ZRANB1: variants seen among roughly 807,000 people sequenced by gnomAD.
ZRANB1 encodes zinc finger RANBP2-type containing 1, also known as ubiquitin thioesterase ZRANB1.
In ZRANB1, 16 loss-of-function variants were observed where a neutral mutation model predicts 80.5. That is an observed-to-expected ratio of 0.20 (90% CI 0.13 to 0.30). The LOEUF is 0.30. ZRANB1 is among the 10% of genes least tolerant of loss of function. The pLI, the probability that ZRANB1 is intolerant of heterozygous loss-of-function variation, is 1.00. For missense variants in ZRANB1, 576 were observed against 862.6 expected (o/e 0.67, Z 4.16); for synonymous variants, 291 against 293.1 (o/e 0.99, Z 0.07).
At chr10:124,919,908 G>GGCCCCCC in the ZRANB1 span, among the ~76,000 whole-genome samples, 1 of 56,682 alleles carries the variant, frequency 1.8e-5, no homozygotes, top group African/African-American at 8.5e-5. Flanking sequence ...ACCGCGCCCG[G>GGCCCCCC]CCCCCCCCCC....
At chr10:124,978,810 T>TA (rs1248854734) in intron 5 of ZRANB1, among the ~76,000 whole-genome samples, 10 of 148,938 alleles carry the variant, frequency 6.7e-5, no homozygotes, top group African/African-American at 2.5e-4. Flanking sequence ...TTTTTTTTTT[T>TA]TTTTTGTATT....
chr10:124,974,070 T>G, intron 4 of ZRANB1, 130 bp from the exon 5 acceptor site: 1 of 811,886 alleles, frequency 1.2e-6, no homozygotes, highest in Non-Finnish European at 1.9e-6. Context: ...AATTGGTCAA[T>G]TTTATTTAGG....
chr10:124,922,294 ATG>A, the ZRANB1 span, among the ~76,000 whole-genome samples: 1 of 114,146 alleles, frequency 8.8e-6, no homozygotes, highest in Admixed American at 1.0e-4. Flanking sequence ...ATATATATAT[ATG>A]TAAAATATAT....
chr10:124,961,810 A>T (rs7909346), intron 1 of ZRANB1, among the ~76,000 whole-genome samples: 4,038 of 152,322 alleles, frequency 0.027, 158 homozygotes, highest in African/African-American at 0.091. Flanking sequence ...TTGATATGTT[A>T]TAGATTAAAT....
chr10:124,920,569 G>T, the ZRANB1 span, among the ~76,000 whole-genome samples: 1 of 151,968 alleles, frequency 6.6e-6, no homozygotes, highest in African/African-American at 2.4e-5. Context: ...CTTGCTTGTT[G>T]TTCCTATGAA....
At position 124,987,368 on chromosome 10, in the gene ZRANB1, A is replaced by AT. The variant is rs1952078921; in HGVS notation, c.*2377dup. 6.6e-6 allele frequency: 1 copy of AT among 151,438 alleles called. No homozygotes were observed. The highest frequency in any genetic ancestry group is 2.4e-5 in the African/African-American group (1 of 41,142). 9.4% of individuals were successfully genotyped at this position (151,438 alleles called of 1,614,324 possible). On this transcript the variant is annotated 3_prime_UTR_variant, in exon 9 of 9. Coordinates refer to ENST00000359653, the MANE Select transcript of ZRANB1 (RefSeq NM_017580.3). The stretch of plus-strand genomic sequence containing the variant: ...TTCTTCCTTGGGGTCAAATTTATAT[A>AT]TATATATATAAATTTTTGTTTGGGC...
the ZRANB1 span, among the ~76,000 whole-genome samples, chr10:124,922,238 C>T: frequency 4.1e-5 from 5 of 121,560 alleles, no homozygotes; most frequent in Admixed American, 4.5e-4. Flanking sequence ...AACCCCTGAG[C>T]CCAAATTATA....
intron 1 of ZRANB1, among the ~76,000 whole-genome samples, chr10:124,956,369 C>A (rs2134264353): frequency 6.6e-6 from 1 of 152,308 alleles, no homozygotes; most frequent in South Asian, 2.1e-4. Flanking sequence ...CACAGAAATG[C>A]AAATATAAAG....
At chr10:124,917,174 T>TCGCTGCTGCCGC in the ZRANB1 span, 1 of 165,916 alleles carries the variant, frequency 6.0e-6, no homozygotes, top group South Asian at 1.8e-4. Flanking sequence ...GCGCGGGGAG[T>TCGCTGCTGCCGC]CGCCGCTGCC....
intron 1 of ZRANB1, among the ~76,000 whole-genome samples, chr10:124,958,211 A>G (rs1307990603): frequency 6.6e-6 from 1 of 152,250 alleles, no homozygotes; most frequent in African/African-American, 2.4e-5. Context: ...AAAGGCAGAC[A>G]ACTTGCGACT....
intron 5 of ZRANB1, among the ~76,000 whole-genome samples, chr10:124,978,793 ATTTTTTTTTTT>A (rs35714295): frequency 2.6e-5 from 3 of 115,440 alleles, no homozygotes; most frequent in Admixed American, 9.3e-5. Context: ...TTCCCAGCTA[ATTTTTTTTTTT>A]TTTTTTTTTT....
the ZRANB1 span, among the ~76,000 whole-genome samples, chr10:124,927,863 C>G: frequency 1.2e-4 from 18 of 152,064 alleles, no homozygotes; most frequent in Non-Finnish European, 2.5e-4. Context: ...ATGGCGAAAC[C>G]CCATCTCTAC....
At chr10:124,979,011 C>T (rs1353737105) in intron 5 of ZRANB1, among the ~76,000 whole-genome samples, 1 of 151,886 alleles carries the variant, frequency 6.6e-6, no homozygotes, top group Non-Finnish European at 1.5e-5. Flanking sequence ...CCAGCCTGGG[C>T]AACATAATGA....
At chr10:124,919,325 G>A in the ZRANB1 span, among the ~76,000 whole-genome samples, 1 of 151,964 alleles carries the variant, frequency 6.6e-6, no homozygotes, top group Non-Finnish European at 1.5e-5. Context: ...CGGGCGGATC[G>A]CCTGAGGTCA....
At chr10:124,946,910 TAA>T (rs1951590184) in intron 1 of ZRANB1, among the ~76,000 whole-genome samples, 1 of 152,206 alleles carries the variant, frequency 6.6e-6, no homozygotes, top group Admixed American at 6.5e-5. Flanking sequence ...TTATTGATGT[TAA>T]GTGTTTTTTA....
At chr10:124,984,440 CTAAG>C in intron 8 of ZRANB1, 2 of 237,608 alleles carry the variant, frequency 8.4e-6, no homozygotes, top group East Asian at 9.0e-5. Context: ...ACATAATTGA[CTAAG>C]TAAACTTACC....
At chr10:124,979,103 A>G (rs111412428) in intron 5 of ZRANB1, among the ~76,000 whole-genome samples, 2 of 152,334 alleles carry the variant, frequency 1.3e-5, no homozygotes, top group African/African-American at 4.8e-5. Context: ...AAGACAAATG[A>G]TAACAGTGTT....
chr10:124,976,547 T>G (rs930518262), intron 5 of ZRANB1, among the ~76,000 whole-genome samples: 2 of 150,778 alleles, frequency 1.3e-5, no homozygotes, highest in Non-Finnish European at 2.9e-5. Context: ...CAGTAATCTT[T>G]TCTTTGGTGG....
upstream of ZRANB1, among the ~76,000 whole-genome samples, chr10:124,937,475 T>G (rs1240531886): frequency 1.5e-5 from 2 of 132,434 alleles, no homozygotes; most frequent in Admixed American, 1.5e-4. Flanking sequence ...CATCAGCCAT[T>G]GCGCCCCACC....
Sources: gnomAD v4.1 joint callset for allele counts (sites outside exome capture counted in the v4.1 genomes callset) on GRCh38, gnomAD v4.1.1 for gene constraint, MANE v1.5 for transcripts, NCBI Gene and HGNC (gene_info 2026-07-23, HGNC 2026-07-21) for gene names.